Variants in OIT3 observed in about 807,000 individuals in gnomAD.
The protein encoded by OIT3 is oncoprotein induced transcript 3.
Under a neutral mutation model 52.2 loss-of-function variants are expected in OIT3, and 41 were observed. The ratio of observed to expected loss-of-function variants is 0.79; its 90% confidence interval spans 0.61 to 1.02. The LOEUF (loss-of-function observed/expected upper bound fraction) is 1.02. Among genes scored for constraint, OIT3 ranks in the 50% least tolerant of loss-of-function variants. The probability of loss-of-function intolerance (pLI) is 0.00; values close to 1 mark genes in which losing one functional copy is unlikely to be tolerated. For synonymous variants in OIT3, 244 were observed against 276.9 expected (o/e 0.88, Z 1.18); for missense variants, 634 against 715.5 (o/e 0.89, Z 1.30).
chr10:72,929,822 C>T (rs1458369769), intron 7 of OIT3, among the ~76,000 whole-genome samples: 1 of 152,116 alleles, frequency 6.6e-6, no homozygotes, highest in Non-Finnish European at 1.5e-5. Context: ...GGATTACAGG[C>T]GTGAGCCACC....
rs1296926373 is a variant in OIT3, at chr10:72,898,771, G to A, written c.169G>A (p.Gly57Arg). Residue 57 changes from glycine (G) to arginine (R), a missense_variant, in exon 2 of 9, where the codon GGG becomes AGG. Physicochemically the swap from Gly to Arg is moderately radical, Grantham distance 125 (BLOSUM62 -2). Transcript: ENST00000334011. ...GPPLCDNHVN[G>R]EWYHFTGMAG... ...TCCTCTATGTGACAACCATGTGAAT[G>A]GGGAGTGGTACCACTTCACGGGCAT... 6.2e-7 allele frequency: 1 copy of A among 1,614,008 alleles called. No individual in the cohort carries two copies. The highest frequency in any genetic ancestry group is 8.5e-7 in the Non-Finnish European group (1 of 1,180,002).
At chr10:72,931,133 A>G (rs899135106) in intron 8 of OIT3, among the ~76,000 whole-genome samples, 1 of 152,214 alleles carries the variant, frequency 6.6e-6, no homozygotes, top group Non-Finnish European at 1.5e-5. Context: ...GTATACAGTG[A>G]CAGTGTAAAT....
chr10:72,926,849 A>T (rs1334318483), intron 7 of OIT3, among the ~76,000 whole-genome samples: 1 of 152,046 alleles, frequency 6.6e-6, no homozygotes, highest in Admixed American at 6.6e-5. Flanking sequence ...TACTTTTTTT[A>T]AAAAATAACT....
Position 72,911,857 on chromosome 10 carries a change from G to A in OIT3, c.790+18G>A. The A allele has an allele frequency of 6.2e-7, 1 of 1,606,628 alleles. No individual in the cohort carries two copies. On this transcript the variant is annotated intron_variant, in intron 5 of 8. Transcript: ENST00000334011. Reference sequence around the variant, plus strand: ...TTGCCAAGGTAGTACATGGGGCAGGGGGACTTGTCTCTACTCTGATTACAC... The same window carrying A: ...TTGCCAAGGTAGTACATGGGGCAGGAGGACTTGTCTCTACTCTGATTACAC...
At chr10:72,932,296 G>A in intron 8 of OIT3, 58 bp from the exon 9 acceptor site, 4 of 1,467,192 alleles carry the variant, frequency 2.7e-6, no homozygotes, top group East Asian at 2.3e-5. Flanking sequence ...TGTCTTGTAA[G>A]TGCCCCACAA....
chr10:72,899,614 A>G, intron 2 of OIT3, among the ~76,000 whole-genome samples: 1 of 151,916 alleles, frequency 6.6e-6, no homozygotes. Flanking sequence ...AAAAAAAAGA[A>G]AAAAAGAAAA....
chr10:72,907,314 A>G (rs1240117037), intron 4 of OIT3, among the ~76,000 whole-genome samples: 8 of 152,274 alleles, frequency 5.3e-5, no homozygotes, highest in Middle Eastern at 3.4e-3. Context: ...TCAAACTTTA[A>G]TGTGCCCACG....
At chr10:72,928,259 A>C (rs920234219) in intron 7 of OIT3, among the ~76,000 whole-genome samples, 2 of 152,224 alleles carry the variant, frequency 1.3e-5, no homozygotes, top group African/African-American at 4.8e-5. Context: ...CTGGAAAAAG[A>C]AACATACTAA....
chr10:72,916,466 G>T (rs943416153), intron 6 of OIT3, among the ~76,000 whole-genome samples: 2 of 152,128 alleles, frequency 1.3e-5, no homozygotes, highest in African/African-American at 2.4e-5. Context: ...AAGGATAATG[G>T]CCTCCAGCTC....
chr10:72,909,259 T>C (rs915619820), intron 4 of OIT3, among the ~76,000 whole-genome samples: 1 of 151,808 alleles, frequency 6.6e-6, no homozygotes, highest in Non-Finnish European at 1.5e-5. Context: ...AAGCTGGGAC[T>C]ACAGGCGTGC....
rs886831017 is a variant in OIT3 at position 72,932,282 on chromosome 10, A to G, written c.1468-72A>G. 10 of 1,313,202 alleles carry G rather than the reference A, an allele frequency of 7.6e-6. No homozygotes were observed. The South Asian group carries it at 9.7e-5, about 13-fold the overall frequency. The allele number at this position is 1,313,202 out of a possible 1,614,324, so 81.3% of individuals were successfully genotyped here. A position where few individuals can be genotyped will look rare whatever the true frequency, so the allele number is the denominator to read the frequency against. ...GACTTAATGTTTAGGAACATTTAGT[A>G]TTGTGTCTTGTAAGTGCCCCACAAG... On this transcript the variant is annotated intron_variant, in intron 8 of 8. Coordinates refer to ENST00000334011, the MANE Select transcript of OIT3 (RefSeq NM_152635.3).
At chr10:72,896,919 A>T (rs948322529) in intron 1 of OIT3, among the ~76,000 whole-genome samples, 2 of 152,184 alleles carry the variant, frequency 1.3e-5, no homozygotes, top group Non-Finnish European at 2.9e-5. Flanking sequence ...CAATTTACCT[A>T]TGTTGATTCA....
chr10:72,906,564 A>C (rs377526163), intron 3 of OIT3, 32 bp from the exon 4 acceptor site: 9 of 1,612,982 alleles, frequency 5.6e-6, no homozygotes, highest in Non-Finnish European at 7.6e-6. Flanking sequence ...ATCACTCAGC[A>C]GTATAGAAAC....
chr10:72,930,679 C>CTTTT, intron 8 of OIT3, 42 bp downstream of exon 8: 4 of 756,762 alleles, frequency 5.3e-6, no homozygotes, highest in Admixed American at 2.7e-5. Context: ...GAACCTGAGC[C>CTTTT]TTTTTTTTTT....
chr10:72,898,676 G>T lies in OIT3; in HGVS notation c.74G>T (p.Cys25Phe). The change falls in exon 2 of 9, where the codon TGT (cysteine) becomes TTT (phenylalanine). Residue 25 changes from cysteine to phenylalanine, a missense_variant. By Grantham distance (205) the Cys-to-Phe change is radical. Transcript: ENST00000334011. ...TSVSPVALDP[C>F]SAYISLNEPW... ...TTTTCATTTCCAGCCCTAGATCCTTGTTCTGCTTACATCAGCCTGAATGAG... is the reference window on the plus strand; with the variant it reads ...TTTTCATTTCCAGCCCTAGATCCTTTTTCTGCTTACATCAGCCTGAATGAG... The T allele has an allele frequency of 6.2e-7, 1 of 1,609,800 alleles. No homozygotes were observed. Among genetic ancestry groups the T allele is most frequent in the Non-Finnish European group, 8.5e-7 (1 of 1,176,516 alleles).
chr10:72,919,613 G>T (rs1846104846), intron 6 of OIT3, among the ~76,000 whole-genome samples: 1 of 152,088 alleles, frequency 6.6e-6, no homozygotes, highest in Non-Finnish European at 1.5e-5. Context: ...TTATTTTGAA[G>T]TATATTCCTT....
chr10:72,922,795 T>C (rs990304905), intron 6 of OIT3, among the ~76,000 whole-genome samples: 1 of 152,230 alleles, frequency 6.6e-6, no homozygotes, highest in African/African-American at 2.4e-5. Flanking sequence ...GTTCTTGCAC[T>C]GATTCTTTCT....
intron 6 of OIT3, among the ~76,000 whole-genome samples, chr10:72,923,278 C>T (rs1485722925): frequency 6.6e-6 from 1 of 152,234 alleles, no homozygotes; most frequent in African/African-American, 2.4e-5. Flanking sequence ...TTTCCAGTAT[C>T]TGGTATCACC....
intron 3 of OIT3, among the ~76,000 whole-genome samples, chr10:72,903,161 AATAAT>A (rs1254050331): frequency 2.6e-5 from 4 of 152,176 alleles, no homozygotes; most frequent in African/African-American, 9.7e-5. Flanking sequence ...CATACAAGAA[AATAAT>A]ATAACAGACA....
Sources: allele counts gnomAD v4.1 joint callset (sites outside exome capture counted in the v4.1 genomes callset), GRCh38; gene constraint gnomAD v4.1.1; transcripts MANE v1.5; gene names NCBI Gene and HGNC (gene_info 2026-07-23, HGNC 2026-07-21).